Variants in SORCS3 observed in about 807,000 individuals in gnomAD.
SORCS3 encodes sortilin related VPS10 domain containing receptor 3, also known as VPS10 domain-containing receptor SorCS3.
SORCS3 carries 57 observed loss-of-function variants against 146.3 expected under a neutral mutation model. The observed-to-expected ratio is 0.39, with a 90% confidence interval of 0.31 to 0.49. The LOEUF (loss-of-function observed/expected upper bound fraction) is 0.49. Ranked by LOEUF, SORCS3 falls within the 20% of genes least tolerant of loss-of-function variation. The probability of loss-of-function intolerance (pLI) is 0.92; values close to 1 mark genes in which losing one functional copy is unlikely to be tolerated. For synonymous variants in SORCS3, 653 were observed against 618.5 expected (o/e 1.06, Z -0.83); for missense variants, 1,341 against 1,575.5 (o/e 0.85, Z 2.52).
At position 104,717,195 on chromosome 10, in the gene SORCS3, G is replaced by A. The variant is rs142105425; in HGVS notation, c.627+75241G>A. Among the ~76,000 whole-genome samples the A allele has an allele frequency of 2.6e-5, 4 of 151,332 alleles. No individual in the cohort carries two copies. The East Asian group carries it at 7.9e-4, about 30-fold the overall frequency. ...AGTTTCTTGGAAGGCTGAGATGGGA[G>A]TATCACTTGAGCCTAGGAGTTTGAG... is the stretch of plus-strand genomic sequence containing the variant. On this transcript the variant is annotated intron_variant, in intron 1 of 26. Transcript: ENST00000369701.
Position 104,848,484 on chromosome 10 carries a change from C to T in SORCS3, c.695+5625C>T, listed in dbSNP as rs965904698. 2.6e-5 allele frequency among the ~76,000 whole-genome samples: 4 copies of T among 152,170 alleles called. No homozygotes were observed. The East Asian group carries it at 7.7e-4, about 29-fold the overall frequency. On this transcript the variant is annotated intron_variant, in intron 2 of 26. Coordinates refer to ENST00000369701, the MANE Select transcript of SORCS3 (RefSeq NM_014978.3). Reference sequence around the variant, plus strand: ...ATGCACTTCCCTCCCTCTACAGCTGCTCACCCCAATTCCTTGGTGGAATTC... The same window carrying T: ...ATGCACTTCCCTCCCTCTACAGCTGTTCACCCCAATTCCTTGGTGGAATTC...
At chr10:105,247,402 C>A (rs575330631) in intron 22 of SORCS3, 71 bp downstream of exon 22, 6 of 800,120 alleles carry the variant, frequency 7.5e-6, no homozygotes, top group Non-Finnish European at 8.4e-6. Context: ...GTCCACAATA[C>A]ATTGGCATGG....
intron 1 of SORCS3, among the ~76,000 whole-genome samples, chr10:104,690,708 G>C (rs1470082732): frequency 6.6e-6 from 1 of 152,164 alleles, no homozygotes; most frequent in Non-Finnish European, 1.5e-5. Flanking sequence ...ACATTGAGTT[G>C]ATGAGGACGA....
intron 1 of SORCS3, among the ~76,000 whole-genome samples, chr10:104,810,228 T>G (rs1265682193): frequency 6.6e-6 from 1 of 152,218 alleles, no homozygotes; most frequent in Non-Finnish European, 1.5e-5. Context: ...GAGTATCTGT[T>G]GTAAGAAATT....
intron 1 of SORCS3, among the ~76,000 whole-genome samples, chr10:104,710,768 T>C (rs1043320732): frequency 1.3e-5 from 2 of 152,038 alleles, no homozygotes; most frequent in African/African-American, 4.8e-5. Context: ...ACCAACTTCT[T>C]TGGAAAATGC....
intron 10 of SORCS3, 84 bp downstream of exon 10, chr10:105,157,368 G>T: frequency 1.3e-6 from 2 of 1,533,790 alleles, no homozygotes; most frequent in Non-Finnish European, 8.9e-7. Flanking sequence ...TTCGTCAAAG[G>T]GTCTTAGGAA....
intron 1 of SORCS3, among the ~76,000 whole-genome samples, chr10:104,685,438 G>A (rs540187405): frequency 6.6e-6 from 1 of 152,238 alleles, no homozygotes; most frequent in South Asian, 2.1e-4. Context: ...CCATGAACCT[G>A]GGATCAGCTC....
chr10:104,851,934 A>T (rs924483843), intron 2 of SORCS3, among the ~76,000 whole-genome samples: 1 of 152,182 alleles, frequency 6.6e-6, no homozygotes, highest in Non-Finnish European at 1.5e-5. Context: ...CTGGTAAAAG[A>T]CGTCTCCTCC....
At chr10:105,001,645 ATG>A (rs1316136731) in intron 4 of SORCS3, among the ~76,000 whole-genome samples, 3 of 152,188 alleles carry the variant, frequency 2.0e-5, no homozygotes, top group Admixed American at 2.0e-4. Context: ...CTCTGGGAGG[ATG>A]CCTATAGAAC....
intron 1 of SORCS3, among the ~76,000 whole-genome samples, chr10:104,730,081 G>A (rs1270643548): frequency 6.6e-6 from 1 of 152,142 alleles, no homozygotes; most frequent in East Asian, 1.9e-4. Context: ...CTGCTATTGG[G>A]AATGAACAAG....
At chr10:104,795,411 C>T (rs2017543557) in intron 1 of SORCS3, among the ~76,000 whole-genome samples, 1 of 152,184 alleles carries the variant, frequency 6.6e-6, no homozygotes, top group Non-Finnish European at 1.5e-5. Context: ...CTTTAATCTA[C>T]ATAGTATTTG....
At chr10:105,037,744 A>C (rs2055315601) in intron 4 of SORCS3, among the ~76,000 whole-genome samples, 1 of 152,224 alleles carries the variant, frequency 6.6e-6, no homozygotes, top group Non-Finnish European at 1.5e-5. Flanking sequence ...GTAAGGTCAC[A>C]TTCTGAGATG....
intron 5 of SORCS3, among the ~76,000 whole-genome samples, chr10:105,061,077 C>T (rs762022702): frequency 4.1e-4 from 63 of 152,154 alleles, no homozygotes; most frequent in Non-Finnish European, 1.5e-4. Flanking sequence ...AACAAATTCA[C>T]AAGTTATGGT....
chr10:104,743,708 C>T (rs1241140300), intron 1 of SORCS3, among the ~76,000 whole-genome samples: 3 of 152,132 alleles, frequency 2.0e-5, no homozygotes, highest in Non-Finnish European at 4.4e-5. Flanking sequence ...TTCTTGTCTC[C>T]ATATTCTCCC....
chr10:104,679,001 A>C (rs910319403), intron 1 of SORCS3, among the ~76,000 whole-genome samples: 1 of 152,210 alleles, frequency 6.6e-6, no homozygotes, highest in Admixed American at 6.5e-5. Context: ...AGTTCTAAAC[A>C]TTTGAAGGGC....
chr10:104,812,097 C>G (rs115518662), intron 1 of SORCS3, among the ~76,000 whole-genome samples: 233 of 152,216 alleles, frequency 1.5e-3, no homozygotes, highest in African/African-American at 5.4e-3. Context: ...CTGAAAGGAT[C>G]CAGATGAAGG....
chr10:104,678,330 C>T (rs1453488520), intron 1 of SORCS3, among the ~76,000 whole-genome samples: 2 of 152,050 alleles, frequency 1.3e-5, no homozygotes, highest in Non-Finnish European at 2.9e-5. Flanking sequence ...CTGTTAAGTG[C>T]GTTCCTATGT....
At chr10:105,081,741 T>G (rs896941460) in intron 5 of SORCS3, among the ~76,000 whole-genome samples, 1 of 152,184 alleles carries the variant, frequency 6.6e-6, no homozygotes, top group South Asian at 2.1e-4. Context: ...TATTTCCTTT[T>G]GTTCCCTGCA....
chr10:104,953,833 A>T (rs983415633), intron 3 of SORCS3, among the ~76,000 whole-genome samples: 1 of 152,262 alleles, frequency 6.6e-6, no homozygotes, highest in Non-Finnish European at 1.5e-5. Context: ...TCTCAGAGAC[A>T]TCATAGTCTG....
Sources: allele counts gnomAD v4.1 joint callset (sites outside exome capture counted in the v4.1 genomes callset), GRCh38; gene constraint gnomAD v4.1.1; transcripts MANE v1.5; gene names NCBI Gene and HGNC (gene_info 2026-07-23, HGNC 2026-07-21).